Variants in LRMDA observed in about 807,000 individuals in gnomAD.
LRMDA encodes leucine rich melanocyte differentiation associated, also known as leucine-rich melanocyte differentiation-associated protein.
A neutral mutation model predicts 29.8 loss-of-function variants in LRMDA; 18 were observed. That is an observed-to-expected ratio of 0.60 (90% CI 0.42 to 0.90). The LOEUF is 0.90. Among genes scored for constraint, LRMDA ranks in the 40% least tolerant of loss-of-function variants. LRMDA has a pLI of 0.00. For missense variants in LRMDA, 273 were observed against 273.9 expected (o/e 1.00, Z 0.02); for synonymous variants, 125 against 109.4 (o/e 1.14, Z -0.89).
chr10:75,859,600 T>TACACACACACACACAC (rs71024575), intron 2 of LRMDA, among the ~76,000 whole-genome samples: 20 of 77,600 alleles, frequency 2.6e-4, no homozygotes, highest in East Asian at 1.1e-3. Context: ...ATTCAGGGCA[T>TACACACACACACACAC]ACACACACAC....
intron 2 of LRMDA, among the ~76,000 whole-genome samples, chr10:75,649,313 G>A (rs893915488): frequency 6.6e-6 from 1 of 152,184 alleles, no homozygotes; most frequent in Non-Finnish European, 1.5e-5. Flanking sequence ...GAATAATATT[G>A]CACTGTATGT....
At chr10:75,547,686 C>A (rs1840096081) in intron 2 of LRMDA, among the ~76,000 whole-genome samples, 1 of 152,102 alleles carries the variant, frequency 6.6e-6, no homozygotes, top group Admixed American at 6.5e-5. Flanking sequence ...CTCCATTTGT[C>A]ATAATGGTTT....
chr10:76,091,658 C>A (rs980969405), intron 5 of LRMDA, among the ~76,000 whole-genome samples: 3 of 152,082 alleles, frequency 2.0e-5, no homozygotes, highest in South Asian at 2.1e-4. Context: ...GCCATGCATC[C>A]CCCTCCCACC....
chr10:75,965,557 C>T (rs887004772), intron 2 of LRMDA, among the ~76,000 whole-genome samples: 1 of 152,108 alleles, frequency 6.6e-6, no homozygotes, highest in African/African-American at 2.4e-5. Flanking sequence ...CTTTACTTCT[C>T]CGCACTCCAC....
chr10:75,956,470 C>T (rs544245511), intron 2 of LRMDA, among the ~76,000 whole-genome samples: 3 of 152,098 alleles, frequency 2.0e-5, no homozygotes, highest in South Asian at 2.1e-4. Flanking sequence ...CTGTAGGCAC[C>T]GTTTTTTGCT....
At chr10:75,554,337 A>G (rs1385429214) in intron 2 of LRMDA, among the ~76,000 whole-genome samples, 1 of 152,226 alleles carries the variant, frequency 6.6e-6, no homozygotes, top group Non-Finnish European at 1.5e-5. Flanking sequence ...AATGAAACAA[A>G]CAAGGAACAT....
chr10:76,032,546 G>A (rs544474137), intron 2 of LRMDA, among the ~76,000 whole-genome samples: 1 of 152,194 alleles, frequency 6.6e-6, no homozygotes, highest in African/African-American at 2.4e-5. Flanking sequence ...TGTGACTTTG[G>A]AAAAGGCACT....
chr10:75,837,430 A>G (rs1401962735), intron 2 of LRMDA, among the ~76,000 whole-genome samples: 3 of 152,160 alleles, frequency 2.0e-5, no homozygotes, highest in African/African-American at 4.8e-5. Context: ...ATGTTTGTCT[A>G]TAGGACAATT....
intron 5 of LRMDA, among the ~76,000 whole-genome samples, chr10:76,120,355 A>AT (rs1396856663): frequency 6.6e-6 from 1 of 151,794 alleles, no homozygotes; most frequent in Non-Finnish European, 1.5e-5. Flanking sequence ...CACCGGGATA[A>AT]TTTTTGTATT....
At chr10:75,962,177 T>C (rs1846779920) in intron 2 of LRMDA, among the ~76,000 whole-genome samples, 1 of 152,176 alleles carries the variant, frequency 6.6e-6, no homozygotes, top group African/African-American at 2.4e-5. Context: ...CAGGGAGACA[T>C]GATTCCACTC....
At chr10:75,463,639 C>T (rs1844615793) in intron 2 of LRMDA, among the ~76,000 whole-genome samples, 1 of 151,846 alleles carries the variant, frequency 6.6e-6, no homozygotes, top group Non-Finnish European at 1.5e-5. Flanking sequence ...AGGTGCATGC[C>T]ACCACACCAG....
At chr10:75,512,339 G>A (rs374234544) in intron 2 of LRMDA, among the ~76,000 whole-genome samples, 14 of 151,460 alleles carry the variant, frequency 9.2e-5, no homozygotes, top group African/African-American at 3.4e-4. Flanking sequence ...TTCTCCCCTT[G>A]AATCAATGTG....
At chr10:76,106,150 G>T (rs149694091) in intron 5 of LRMDA, among the ~76,000 whole-genome samples, 14 of 152,318 alleles carry the variant, frequency 9.2e-5, no homozygotes, top group African/African-American at 3.1e-4. Context: ...ATGAGTCCAC[G>T]CAAGCCTTGT....
intron 2 of LRMDA, among the ~76,000 whole-genome samples, chr10:75,971,776 G>C (rs1438877663): frequency 6.6e-6 from 1 of 152,060 alleles, no homozygotes; most frequent in African/African-American, 2.4e-5. Flanking sequence ...TTGACCTGTG[G>C]GTGAGATTGG....
In LRMDA at chr10:76,302,129, G is replaced by A. The variant is rs182538357; in HGVS notation, c.517-22272G>A. Among the ~76,000 whole-genome samples the A allele has an allele frequency of 5.6e-3, 857 of 151,910 alleles. 6 individuals are homozygous for A. The highest frequency in any genetic ancestry group is 9.2e-3 in the Non-Finnish European group (623 of 67,964). ...TGGCTCTATTTTTTTTTTCCAGAGC[G>A]CCCTCAGGTGCTCATGGAACATACT... On this transcript the variant is annotated intron_variant, in intron 5 of 6. Coordinates refer to ENST00000611255, the MANE Select transcript of LRMDA (RefSeq NM_001305581.2).
intron 2 of LRMDA, among the ~76,000 whole-genome samples, chr10:75,826,339 C>T (rs567296674): frequency 1.4e-4 from 22 of 152,206 alleles, no homozygotes; most frequent in African/African-American, 3.6e-4. Flanking sequence ...ATTTCTGGCC[C>T]GGAGCTCTTG....
intron 6 of LRMDA, among the ~76,000 whole-genome samples, chr10:76,461,122 C>A (rs1051997484): frequency 1.3e-5 from 2 of 152,104 alleles, no homozygotes; most frequent in Non-Finnish European, 2.9e-5. Context: ...TTGTTTATAA[C>A]CACATTGTAG....
intron 2 of LRMDA, among the ~76,000 whole-genome samples, chr10:75,799,786 T>C (rs1320684009): frequency 6.6e-6 from 1 of 151,766 alleles, no homozygotes; most frequent in Admixed American, 6.6e-5. Flanking sequence ...CCTCAAGTGA[T>C]CCGCTCACCT....
At chr10:76,178,316 G>A (rs970457586) in intron 5 of LRMDA, among the ~76,000 whole-genome samples, 1 of 152,168 alleles carries the variant, frequency 6.6e-6, no homozygotes, top group Non-Finnish European at 1.5e-5. Context: ...GCTCAGAAAG[G>A]CTTCTTGGTG....
Sources: allele counts gnomAD v4.1 joint callset (sites outside exome capture counted in the v4.1 genomes callset), GRCh38; gene constraint gnomAD v4.1.1; transcripts MANE v1.5; gene names NCBI Gene and HGNC (gene_info 2026-07-23, HGNC 2026-07-21).